SIAH3: variants seen among roughly 807,000 people sequenced by gnomAD.
The protein encoded by SIAH3 is siah E3 ubiquitin protein ligase family member 3.
SIAH3 carries 9 observed loss-of-function variants against 12.6 expected under a neutral mutation model. That is an observed-to-expected ratio of 0.72 (90% CI 0.43 to 1.25). The LOEUF is 1.25. Among genes scored for constraint, SIAH3 ranks in the 50% most tolerant of loss-of-function variants. The probability of loss-of-function intolerance (pLI) is 0.00; values close to 1 mark genes in which losing one functional copy is unlikely to be tolerated. For missense variants in SIAH3, 390 were observed against 365.4 expected, an observed-to-expected ratio of 1.07 and a Z score of -0.55; for synonymous variants, 154 against 151.1, an observed-to-expected ratio of 1.02 and a Z score of -0.14.
chr13:45,806,044 T>C (rs1950597308), intron 1 of SIAH3, among the ~76,000 whole-genome samples: 1 of 152,072 alleles, frequency 6.6e-6, no homozygotes, highest in Non-Finnish European at 1.5e-5. Flanking sequence ...CCCATCAGAA[T>C]GGCTATTAAA....
At chr13:45,851,360 G>T in intron 1 of SIAH3, 135 bp downstream of exon 1, 1 of 1,169,886 alleles carries the variant, frequency 8.5e-7, no homozygotes, top group Non-Finnish European at 1.2e-6. Context: ...CAAACACGCC[G>T]GGTTCCAGAC....
intron 1 of SIAH3, among the ~76,000 whole-genome samples, chr13:45,834,253 T>C (rs1196199687): frequency 6.6e-6 from 1 of 152,224 alleles, no homozygotes; most frequent in Non-Finnish European, 1.5e-5. Context: ...CTTTTGTAAC[T>C]AAACATGCTG....
chr13:45,816,349 A>G (rs369035853), intron 1 of SIAH3, among the ~76,000 whole-genome samples: 35 of 152,328 alleles, frequency 2.3e-4, no homozygotes, highest in African/African-American at 8.4e-4. Flanking sequence ...TGATGACTGA[A>G]CTGGAATAAA....
chr13:45,789,916 G>T (rs1325380314), intron 1 of SIAH3, among the ~76,000 whole-genome samples: 3 of 152,160 alleles, frequency 2.0e-5, no homozygotes, highest in Non-Finnish European at 4.4e-5. Context: ...GAAATTAGTA[G>T]TTTGTTAATC....
intron 1 of SIAH3, among the ~76,000 whole-genome samples, chr13:45,789,508 G>A (rs1950539370): frequency 6.6e-6 from 1 of 152,118 alleles, no homozygotes; most frequent in Non-Finnish European, 1.5e-5. Context: ...CTAGGTTCAA[G>A]TGATTCTCCT....
chr13:45,814,732 C>CTTTTTTT (rs11386908), intron 1 of SIAH3, among the ~76,000 whole-genome samples: 10 of 146,722 alleles, frequency 6.8e-5, no homozygotes, highest in African/African-American at 2.6e-4. Flanking sequence ...TTTGCCATTA[C>CTTTTTTT]TTTTTTTTTT....
At chr13:45,800,226 A>C (rs1387290201) in intron 1 of SIAH3, among the ~76,000 whole-genome samples, 1 of 152,168 alleles carries the variant, frequency 6.6e-6, no homozygotes, top group Non-Finnish European at 1.5e-5. Flanking sequence ...GTAGTCTTGT[A>C]AACTGTTTTT....
Position 45,781,670 on chromosome 13 carries a change from T to G in SIAH3, c.*1713A>C, listed in dbSNP as rs1950504436. ...TGTGTGACCAGAGCAGCCTCTGTTATTAAATCTTGTATCGACTGGCACCTC... is the reference window on the plus strand; with the variant it reads ...TGTGTGACCAGAGCAGCCTCTGTTAGTAAATCTTGTATCGACTGGCACCTC... On this transcript the variant is annotated 3_prime_UTR_variant, in exon 2 of 2. Coordinates refer to ENST00000400405, the MANE Select transcript of SIAH3 (RefSeq NM_198849.3). The G allele has an allele frequency of 6.6e-6, 1 of 152,260 alleles. No individual in the cohort carries two copies. Among genetic ancestry groups the G allele is most frequent in the Non-Finnish European group, 1.5e-5 (1 of 68,058 alleles). 9.4% of individuals were successfully genotyped at this position (152,260 alleles called of 1,614,324 possible). A position where few individuals can be genotyped will look rare whatever the true frequency, so the allele number is the denominator to read the frequency against.
At chr13:45,796,614 G>T (rs529313348) in intron 1 of SIAH3, among the ~76,000 whole-genome samples, 2 of 152,378 alleles carry the variant, frequency 1.3e-5, no homozygotes, top group South Asian at 4.1e-4. Context: ...GCCTGGAGTG[G>T]CACAGGCCTT....
chr13:45,828,389 C>T (rs1437517842), intron 1 of SIAH3, among the ~76,000 whole-genome samples: 3 of 152,164 alleles, frequency 2.0e-5, no homozygotes, highest in African/African-American at 7.2e-5. Context: ...CTGTCCTTAG[C>T]AGGCACCAAG....
intron 1 of SIAH3, among the ~76,000 whole-genome samples, chr13:45,850,080 G>A (rs1389535730): frequency 2.6e-5 from 4 of 152,316 alleles, no homozygotes; most frequent in East Asian, 1.9e-4. Context: ...AGGCAAGAGC[G>A]CGCAAGCAAG....
intron 1 of SIAH3, among the ~76,000 whole-genome samples, chr13:45,819,198 C>T (rs1356258859): frequency 6.6e-6 from 1 of 152,212 alleles, no homozygotes; most frequent in African/African-American, 2.4e-5. Context: ...TGGCCCCCTG[C>T]TGTCACCAAA....
intron 1 of SIAH3, among the ~76,000 whole-genome samples, chr13:45,818,564 A>G (rs1950643457): frequency 6.6e-6 from 1 of 152,240 alleles, no homozygotes; most frequent in Non-Finnish European, 1.5e-5. Flanking sequence ...GAGGAGAATC[A>G]TTCCTCTTCC....
chr13:45,783,617 G>T lies in SIAH3; in HGVS notation c.576C>A (p.Thr192=). 1 of 1,614,170 alleles carries T rather than the reference G, an allele frequency of 6.2e-7. No homozygotes were observed. The highest frequency in any genetic ancestry group is 8.5e-7 in the Non-Finnish European group (1 of 1,180,006). ...QFFATMMLIG[T]PTQADCFTYR... is the part of the protein sequence containing the mutation. Reference sequence around the variant, plus strand: ...AGGTGAAGCAGTCGGCCTGGGTGGGGGTCCCAATCAGCATCATGGTGGCAA... The same window carrying T: ...AGGTGAAGCAGTCGGCCTGGGTGGGTGTCCCAATCAGCATCATGGTGGCAA... The change falls in exon 2 of 2, where the codon ACC becomes ACA. Residue 192 remains threonine (T), a synonymous_variant. Transcript: ENST00000400405.
At position 45,779,829 on chromosome 13, in the gene SIAH3, T is replaced by C. The variant is rs927380939; in HGVS notation, c.*3554A>G. 6.6e-6 allele frequency: 1 copy of C among 152,234 alleles called. No individual in the cohort carries two copies. The highest frequency in any genetic ancestry group is 1.5e-5 in the Non-Finnish European group (1 of 68,052). The allele number at this position is 152,234 out of a possible 1,614,324, so 9.4% of individuals were successfully genotyped here. On this transcript the variant is annotated 3_prime_UTR_variant, in exon 2 of 2. Coordinates refer to ENST00000400405, the MANE Select transcript of SIAH3 (RefSeq NM_198849.3). ...TGTCCAGAGTAGCCACAGCTAGTGA[T>C]GGGGTTTACCAGGTACAGATTCATG... is the stretch of plus-strand genomic sequence containing the variant.
At chr13:45,851,213 G>GC (rs1288555794) in intron 1 of SIAH3, among the ~76,000 whole-genome samples, 1 of 151,986 alleles carries the variant, frequency 6.6e-6, no homozygotes, top group East Asian at 1.9e-4. Flanking sequence ...CCTCACTTCT[G>GC]CCCCCCACGC....
intron 1 of SIAH3, among the ~76,000 whole-genome samples, chr13:45,806,404 A>G (rs1950598594): frequency 6.6e-6 from 1 of 152,216 alleles, no homozygotes; most frequent in South Asian, 2.1e-4. Context: ...GAATCGAATT[A>G]TATCCTTTGC....
intron 1 of SIAH3, among the ~76,000 whole-genome samples, chr13:45,822,316 T>G (rs533321080): frequency 6.6e-6 from 1 of 152,126 alleles, no homozygotes; most frequent in South Asian, 2.1e-4. Context: ...GAGGTGAACA[T>G]ATTTTCTTAG....
chr13:45,846,868 C>G (rs1660725878), intron 1 of SIAH3, among the ~76,000 whole-genome samples: 1 of 152,222 alleles, frequency 6.6e-6, no homozygotes, highest in Non-Finnish European at 1.5e-5. Flanking sequence ...GGCTCTGGGC[C>G]TCCCCGTTAT....
Sources: allele counts gnomAD v4.1 joint callset (sites outside exome capture counted in the v4.1 genomes callset), GRCh38; gene constraint gnomAD v4.1.1; transcripts MANE v1.5; gene names NCBI Gene and HGNC (gene_info 2026-07-23, HGNC 2026-07-21).